The following MTCL1 variants were observed in gnomAD, a reference collection of about 807,000 sequenced individuals.
MTCL1 encodes the protein microtubule crosslinking factor 1, also known as microtubule cross-linking factor 1.
A neutral mutation model predicts 141.4 loss-of-function variants in MTCL1; 79 were observed. That is an observed-to-expected ratio of 0.56 (90% CI 0.47 to 0.67). The LOEUF (loss-of-function observed/expected upper bound fraction) is 0.67. MTCL1 is among the 30% of genes least tolerant of loss of function. MTCL1 has a pLI of 0.00. For synonymous variants in MTCL1, 914 were observed against 875.8 expected, an observed-to-expected ratio of 1.04 and a Z score of -0.77; for missense variants, 2,177 against 2,113.9, an observed-to-expected ratio of 1.03 and a Z score of -0.59.
At chr18:8,722,702 C>T (rs1000678812) in intron 4 of MTCL1, among the ~76,000 whole-genome samples, 1 of 152,116 alleles carries the variant, frequency 6.6e-6, no homozygotes, top group Non-Finnish European at 1.5e-5. Context: ...TTTGGTCTTG[C>T]TGTCTCAGGG....
chr18:8,809,659 G>A (rs2076415375), intron 11 of MTCL1: 2 of 1,497,456 alleles, frequency 1.3e-6, no homozygotes, highest in African/African-American at 2.8e-5. Flanking sequence ...GGCCGGGCCT[G>A]GTGGCCGGTT....
exon 1 of MTCL1, chr18:8,706,249 C>G (rs1222013458): frequency 1.6e-6 from 2 of 1,228,838 alleles, no homozygotes; most frequent in Non-Finnish European, 2.0e-6. Context: ...GGCCGGGTCC[C>G]CGGCCCGCTG....
rs905786293 is a variant in MTCL1 at position 8,705,720 on chromosome 18, C to T, written c.60C>T (p.Pro20=). Residue 20 remains proline, a synonymous_variant, in exon 1 of 14, where the codon CCC becomes CCT. Transcript: ENST00000306329. The surrounding 1 kb of genome is among the most constrained non-coding windows in gnomAD (Gnocchi z 5.2). ...CCCCGGACGCGAAGCTGCAGCCGCCCGGCCAGCACCACCGCCACCACCACC... is the reference window on the plus strand; with the variant it reads ...CCCCGGACGCGAAGCTGCAGCCGCCTGGCCAGCACCACCGCCACCACCACC... 8.3e-7 allele frequency: 1 copy of T among 1,204,904 alleles called. No homozygotes were observed. The highest frequency in any genetic ancestry group is 1.0e-6 in the Non-Finnish European group (1 of 970,302). The allele number at this position is 1,204,904 out of a possible 1,614,324, so 74.6% of individuals were successfully genotyped here. A position where few individuals can be genotyped will look rare whatever the true frequency, so the allele number is the denominator to read the frequency against.
intron 12 of MTCL1, among the ~76,000 whole-genome samples, chr18:8,813,851 C>A (rs555200120): frequency 2.0e-5 from 3 of 152,178 alleles, no homozygotes; most frequent in Non-Finnish European, 4.4e-5. Context: ...AGTCATTTTT[C>A]TGCCAATATA....
chr18:8,768,789 CTTTTTT>C (rs773958752), intron 4 of MTCL1, among the ~76,000 whole-genome samples: 1 of 117,896 alleles, frequency 8.5e-6, no homozygotes, highest in African/African-American at 3.6e-5. Context: ...CTTTTCTTCT[CTTTTTT>C]TTTTTTTTTT....
intron 4 of MTCL1, among the ~76,000 whole-genome samples, chr18:8,727,895 C>CCT (rs35191368): frequency 0.36 from 50,327 of 141,692 alleles, 9,274 homozygotes; most frequent in Admixed American, 0.46. Flanking sequence ...TCCCTCCCTC[C>CCT]CTCTCTCTCT....
chr18:8,791,878 C>G lies in MTCL1; in HGVS notation c.1888-1120C>G, dbSNP rs981362343. Reference sequence around the variant, plus strand: ...AATCTCTAGCTTTCAAAGTTTTATGCTGAACTTGGTGAATCCCCAGTGTCT... The same window carrying G: ...AATCTCTAGCTTTCAAAGTTTTATGGTGAACTTGGTGAATCCCCAGTGTCT... On this transcript the variant is annotated intron_variant, in intron 7 of 16. Transcript: ENST00000359865. Among the ~76,000 whole-genome samples, 5 of 136,566 alleles carry G rather than the reference C, an allele frequency of 3.7e-5. No individual in the cohort carries two copies. The South Asian group carries it at 6.7e-4, about 18-fold the overall frequency. The allele number at this position is 136,566 out of a possible 152,430, so 89.6% of individuals were successfully genotyped here.
intron 16 of MTCL1, chr18:8,831,290 G>A (rs547039154): frequency 9.5e-5 from 110 of 1,153,996 alleles, no homozygotes; most frequent in Non-Finnish European, 9.3e-5. Context: ...TGTGGAGACC[G>A]CTGCCACAGT....
At chr18:8,740,922 C>A (rs1054195084) in intron 4 of MTCL1, among the ~76,000 whole-genome samples, 2 of 152,232 alleles carry the variant, frequency 1.3e-5, no homozygotes, top group African/African-American at 4.8e-5. Context: ...GTTGCCCTTA[C>A]ATTTGTTGAG....
intron 7 of MTCL1, among the ~76,000 whole-genome samples, chr18:8,792,642 G>A (rs546025025): frequency 3.9e-5 from 6 of 152,322 alleles, no homozygotes; most frequent in South Asian, 2.1e-4. Flanking sequence ...GGTCATAGTC[G>A]GCTCTGACCA....
intron 4 of MTCL1, among the ~76,000 whole-genome samples, chr18:8,745,741 C>G (rs1162370222): frequency 6.6e-6 from 1 of 152,168 alleles, no homozygotes; most frequent in Non-Finnish European, 1.5e-5. Flanking sequence ...GTAAAACATA[C>G]ATGACATAAA....
upstream of MTCL1, among the ~76,000 whole-genome samples, chr18:8,714,962 A>G (rs2096118853): frequency 6.6e-6 from 1 of 151,978 alleles, no homozygotes; most frequent in African/African-American, 2.4e-5. Flanking sequence ...ACGCCTGGCT[A>G]ATTTTTTTTA....
At chr18:8,757,122 G>A (rs974622300) in intron 4 of MTCL1, among the ~76,000 whole-genome samples, 6 of 152,200 alleles carry the variant, frequency 3.9e-5, no homozygotes, top group Admixed American at 6.5e-5. Context: ...GAGACTGCCT[G>A]TGCCTCTTTG....
At chr18:8,798,778 G>T (rs1328311574) in intron 10 of MTCL1, among the ~76,000 whole-genome samples, 2 of 152,150 alleles carry the variant, frequency 1.3e-5, no homozygotes, top group Non-Finnish European at 2.9e-5. Context: ...AGAGAGGTGA[G>T]ACTTCAGTGT....
intron 5 of MTCL1, 117 bp from the exon 5 acceptor site, chr18:8,783,413 G>C: frequency 1.0e-6 from 1 of 968,174 alleles, no homozygotes; most frequent in East Asian, 2.7e-5. Flanking sequence ...GCACCGATGG[G>C]AAGATCGGTG....
chr18:8,793,549 C>G (rs2075811833), intron 8 of MTCL1, among the ~76,000 whole-genome samples: 2 of 152,204 alleles, frequency 1.3e-5, no homozygotes, highest in African/African-American at 4.8e-5. Context: ...GCTGTGGCCT[C>G]ATTAACCTCT....
At chr18:8,800,923 A>AAAG (rs1285042649) in intron 10 of MTCL1, 1 of 151,922 alleles carries the variant, frequency 6.6e-6, no homozygotes, top group Non-Finnish European at 1.5e-5. Flanking sequence ...AAAAAAAAAA[A>AAAG]AAAGTGTGAA....
intron 10 of MTCL1, 21 bp downstream of exon 9, chr18:8,798,312 C>G: frequency 6.7e-7 from 1 of 1,482,584 alleles, no homozygotes; most frequent in Non-Finnish European, 9.0e-7. Context: ...CGACCCGAGC[C>G]TGTCGCCCTG....
chr18:8,712,891 A>G (rs957496099), upstream of MTCL1, among the ~76,000 whole-genome samples: 4 of 152,228 alleles, frequency 2.6e-5, no homozygotes, highest in African/African-American at 7.2e-5. Flanking sequence ...AACTGGGTCT[A>G]TTTAAAGAGG....
Sources: allele counts gnomAD v4.1 joint callset (sites outside exome capture counted in the v4.1 genomes callset), GRCh38; gene constraint gnomAD v4.1.1; non-coding constraint Gnocchi (gnomAD v3.1); transcripts MANE v1.5; gene names NCBI Gene and HGNC (gene_info 2026-07-23, HGNC 2026-07-21).